ANKS1B: variants seen among roughly 807,000 people sequenced by gnomAD.
ANKS1B encodes ankyrin repeat and sterile alpha motif domain-containing protein 1B.
ANKS1B carries 36 observed loss-of-function variants against 148.3 expected under a neutral mutation model. The ratio of observed to expected loss-of-function variants is 0.24; its 90% confidence interval spans 0.19 to 0.32. ANKS1B has a LOEUF of 0.32. ANKS1B is among the 10% of genes least tolerant of loss of function. The pLI, the probability that ANKS1B is intolerant of heterozygous loss-of-function variation, is 1.00. For missense variants in ANKS1B, 1,157 were observed against 1,542.6 expected (o/e 0.75, Z 4.19); for synonymous variants, 542 against 560.8 (o/e 0.97, Z 0.47).
Position 99,648,060 on chromosome 12 carries a change from A to G in ANKS1B, c.1272+7007T>C, listed in dbSNP as rs80068786. 1.7e-3 allele frequency: 2,408 copies of G among 1,426,004 alleles called. 39 individuals are homozygous for G. In the African/African-American group the frequency reaches 0.03, roughly 18 times the overall value. 88.3% of individuals were successfully genotyped at this position (1,426,004 alleles called of 1,614,324 possible). Reference sequence around the variant, plus strand: ...CTTGGGGACAAAAAAGAAAGCCTGCAGAACACGACTGCTGGCCCACCTGCC... The same window carrying G: ...CTTGGGGACAAAAAAGAAAGCCTGCGGAACACGACTGCTGGCCCACCTGCC... On this transcript the variant is annotated intron_variant, in intron 9 of 26. Transcript: ENST00000683438.
intron 10 of ANKS1B, among the ~76,000 whole-genome samples, chr12:99,490,377 A>C (rs1312814298): frequency 1.3e-5 from 2 of 152,260 alleles, no homozygotes; most frequent in Admixed American, 1.3e-4. Flanking sequence ...TTTAGTTTCC[A>C]CAACTGCAAT....
chr12:99,627,696 A>C (rs914501534), intron 9 of ANKS1B, among the ~76,000 whole-genome samples: 3 of 152,198 alleles, frequency 2.0e-5, no homozygotes, highest in Non-Finnish European at 4.4e-5. Flanking sequence ...GGAGATCATA[A>C]ACATTTGTCA....
At chr12:99,964,854 C>A (rs2095465522) in intron 1 of ANKS1B, among the ~76,000 whole-genome samples, 1 of 151,848 alleles carries the variant, frequency 6.6e-6, no homozygotes, top group Non-Finnish European at 1.5e-5. Context: ...GGTGACAGAG[C>A]CTAAGAGGGA....
intron 9 of ANKS1B, among the ~76,000 whole-genome samples, chr12:99,634,332 C>T (rs2098208638): frequency 1.3e-5 from 2 of 152,078 alleles, no homozygotes; most frequent in Non-Finnish European, 2.9e-5. Context: ...GCCCCCTCAC[C>T]ATGTGAGGCC....
intron 12 of ANKS1B, among the ~76,000 whole-genome samples, chr12:99,387,243 G>A (rs2093899663): frequency 6.6e-6 from 1 of 152,186 alleles, no homozygotes; most frequent in Non-Finnish European, 1.5e-5. Flanking sequence ...AACTCCCAAG[G>A]TGATGGGATT....
At chr12:98,995,773 G>T (rs1165032998) in intron 17 of ANKS1B, among the ~76,000 whole-genome samples, 3 of 152,192 alleles carry the variant, frequency 2.0e-5, no homozygotes, top group Non-Finnish European at 4.4e-5. Flanking sequence ...GAGAGAAAGA[G>T]TTCCCAGGCT....
chr12:99,463,875 A>C (rs1040955380), intron 10 of ANKS1B, among the ~76,000 whole-genome samples: 38 of 151,998 alleles, frequency 2.5e-4, no homozygotes, highest in African/African-American at 9.2e-4. Flanking sequence ...CACAGACGAC[A>C]AAAAGACAGC....
chr12:98,877,442 A>G (rs2099694138), intron 17 of ANKS1B, among the ~76,000 whole-genome samples: 1 of 152,236 alleles, frequency 6.6e-6, no homozygotes, highest in African/African-American at 2.4e-5. Context: ...TTACTCAGGT[A>G]GTATATACAA....
intron 9 of ANKS1B, among the ~76,000 whole-genome samples, chr12:99,602,361 TCCA>T (rs1041225099): frequency 6.6e-6 from 1 of 152,086 alleles, no homozygotes; most frequent in Non-Finnish European, 1.5e-5. Context: ...CAGGTAGGCC[TCCA>T]CCAAACTTAG....
chr12:99,522,092 C>T lies in ANKS1B; in HGVS notation c.1273-17451G>A, dbSNP rs772994925. Among the ~76,000 whole-genome samples the T allele has an allele frequency of 5.3e-5, 8 of 152,310 alleles. No individual in the cohort carries two copies. The South Asian group carries it at 1.7e-3, about 32-fold the overall frequency. On this transcript the variant is annotated intron_variant, in intron 9 of 26. Transcript: ENST00000683438. The stretch of plus-strand genomic sequence containing the variant: ...ACTGCAGGTAAGCTGGCTCTCAAAC[C>T]ACAATACAAAGTCCTTCCTAGTCTT...
intron 17 of ANKS1B, among the ~76,000 whole-genome samples, chr12:99,035,655 G>A (rs1340333011): frequency 6.6e-6 from 1 of 152,068 alleles, no homozygotes; most frequent in Non-Finnish European, 1.5e-5. Flanking sequence ...GAGGGCCAAG[G>A]GCAACTTTCT....
intron 9 of ANKS1B, among the ~76,000 whole-genome samples, chr12:99,597,961 C>T (rs2097771295): frequency 6.6e-6 from 1 of 151,938 alleles, no homozygotes; most frequent in Non-Finnish European, 1.5e-5. Context: ...TCTCAGATGG[C>T]CTACCTCTGA....
chr12:99,508,674 T>C (rs2096735306), intron 9 of ANKS1B, among the ~76,000 whole-genome samples: 1 of 151,906 alleles, frequency 6.6e-6, no homozygotes, highest in African/African-American at 2.4e-5. Context: ...ATTGAAATTT[T>C]AATGTTTTGC....
chr12:99,452,615 A>T (rs769920514), intron 10 of ANKS1B, among the ~76,000 whole-genome samples: 1 of 152,230 alleles, frequency 6.6e-6, no homozygotes, highest in Non-Finnish European at 1.5e-5. Context: ...TACAGAAATC[A>T]TAAGTAAAAA....
chr12:99,648,573 CG>C, intron 9 of ANKS1B: 1 of 1,614,128 alleles, frequency 6.2e-7, no homozygotes, highest in Non-Finnish European at 8.5e-7. Flanking sequence ...TCCACAACAG[CG>C]TAAAAAAACA....
chr12:99,165,539 A>C (rs1045202574), intron 14 of ANKS1B, among the ~76,000 whole-genome samples: 1 of 151,946 alleles, frequency 6.6e-6, no homozygotes, highest in Admixed American at 6.6e-5. Flanking sequence ...TGACAAATTC[A>C]TTAAGAGAAG....
chr12:98,740,036 G>A (rs1240866855), downstream of ANKS1B, among the ~76,000 whole-genome samples: 2 of 152,080 alleles, frequency 1.3e-5, no homozygotes, highest in Non-Finnish European at 2.9e-5. Context: ...TTCTCTTTGG[G>A]CGACGCATAC....
chr12:99,650,816 A>T (rs2098414597), intron 9 of ANKS1B, among the ~76,000 whole-genome samples: 1 of 152,178 alleles, frequency 6.6e-6, no homozygotes, highest in African/African-American at 2.4e-5. Context: ...TTAGAATTGT[A>T]AGATCCACAT....
At chr12:99,935,150 T>C (rs962605251) in intron 1 of ANKS1B, among the ~76,000 whole-genome samples, 3 of 152,120 alleles carry the variant, frequency 2.0e-5, no homozygotes, top group East Asian at 3.8e-4. Flanking sequence ...AAAGATCCTA[T>C]TCACCTACAG....
Sources: allele counts gnomAD v4.1 joint callset (sites outside exome capture counted in the v4.1 genomes callset), GRCh38; gene constraint gnomAD v4.1.1; transcripts MANE v1.5; gene names NCBI Gene and HGNC (gene_info 2026-07-23, HGNC 2026-07-21).